GRM7: variants seen among roughly 807,000 people sequenced by gnomAD.
GRM7 encodes the protein metabotropic glutamate receptor 7.
Under a neutral mutation model 84.5 loss-of-function variants are expected in GRM7, and 35 were observed. That is an observed-to-expected ratio of 0.41 (90% CI 0.32 to 0.55). The LOEUF (loss-of-function observed/expected upper bound fraction) is 0.55, where lower values mean the gene tolerates loss of function less well. GRM7 is among the 20% of genes least tolerant of loss of function. The probability of loss-of-function intolerance (pLI) is 0.19; values close to 1 mark genes in which losing one functional copy is unlikely to be tolerated. For synonymous variants in GRM7, 487 were observed against 455.1 expected (o/e 1.07, Z -0.89); for missense variants, 1,003 against 1,194.6 (o/e 0.84, Z 2.36).
chr3:7,300,586 T>G (rs17697014), intron 3 of GRM7, among the ~76,000 whole-genome samples: 55,289 of 151,736 alleles, frequency 0.36, 10,951 homozygotes, highest in Middle Eastern at 0.48. Context: ...TATTCCAAAT[T>G]CCCTCATGAT....
At position 7,407,479 on chromosome 3, in the gene GRM7, T is replaced by C. The variant is rs183436188; in HGVS notation, c.1034-7544T>C. Among the ~76,000 whole-genome samples, 98 of 152,284 alleles carry C rather than the reference T, an allele frequency of 6.4e-4. 1 individual carries two copies. Among genetic ancestry groups the C allele is most frequent in the Non-Finnish European group, 1.6e-4 (11 of 68,016 alleles). Reference sequence around the variant, plus strand: ...TACTTTACAGTGCCTCGAACTGATATTAAAACTGCTTACCTTAACAAAAGG... The same window carrying C: ...TACTTTACAGTGCCTCGAACTGATACTAAAACTGCTTACCTTAACAAAAGG... On this transcript the variant is annotated intron_variant, in intron 4 of 9. Coordinates refer to ENST00000357716, the MANE Select transcript of GRM7 (RefSeq NM_000844.4).
chr3:7,331,675 A>G (rs10510360), intron 4 of GRM7, among the ~76,000 whole-genome samples: 6,057 of 152,224 alleles, frequency 0.04, 257 homozygotes, highest in African/African-American at 0.11. Flanking sequence ...GGGAAAACCT[A>G]TATCATAGCA....
At chr3:7,467,092 C>T (rs1046836718) in intron 7 of GRM7, among the ~76,000 whole-genome samples, 3 of 152,108 alleles carry the variant, frequency 2.0e-5, no homozygotes, top group South Asian at 2.1e-4. Context: ...ACACAAGTTT[C>T]TCTTTCTTGT....
Position 7,494,207 on chromosome 3 carries a change from C to T in GRM7, c.1515+32485C>T, listed in dbSNP as rs76073443. Among the ~76,000 whole-genome samples, 19 of 152,200 alleles carry T rather than the reference C, an allele frequency of 1.2e-4. No individual in the cohort carries two copies. In the East Asian group the frequency reaches 2.5e-3, roughly 20 times the overall value. On this transcript the variant is annotated intron_variant, in intron 7 of 9. Coordinates refer to ENST00000357716, the MANE Select transcript of GRM7 (RefSeq NM_000844.4). The stretch of plus-strand genomic sequence containing the variant: ...TATTATTATTTGTCTTAGAAGGTTT[C>T]CATGTCTCCTTTATCCTTGAAGGGT...
intron 7 of GRM7, among the ~76,000 whole-genome samples, chr3:7,562,950 C>A (rs1436624323): frequency 6.6e-6 from 1 of 151,716 alleles, no homozygotes; most frequent in South Asian, 2.1e-4. Flanking sequence ...AAAACAGTTT[C>A]TATCCTTTAG....
intron 8 of GRM7, among the ~76,000 whole-genome samples, chr3:7,677,000 G>A (rs894591765): frequency 4.6e-5 from 7 of 152,044 alleles, no homozygotes; most frequent in East Asian, 2.0e-4. Context: ...GGTGGCTCAC[G>A]CCTGTAATCC....
At chr3:7,499,958 TG>T (rs1473117056) in intron 7 of GRM7, among the ~76,000 whole-genome samples, 3 of 152,146 alleles carry the variant, frequency 2.0e-5, no homozygotes, top group African/African-American at 7.2e-5. Flanking sequence ...GTATTTTTAG[TG>T]GAGACGGGGT....
At chr3:7,393,766 C>G (rs1325533997) in intron 4 of GRM7, among the ~76,000 whole-genome samples, 1 of 152,116 alleles carries the variant, frequency 6.6e-6, no homozygotes, top group African/African-American at 2.4e-5. Context: ...TCTTATCACA[C>G]TAGTAGCTTT....
At chr3:7,434,336 G>A (rs1302024667) in intron 5 of GRM7, among the ~76,000 whole-genome samples, 1 of 152,160 alleles carries the variant, frequency 6.6e-6, no homozygotes, top group Non-Finnish European at 1.5e-5. Context: ...ATATTGAGTA[G>A]AAGTAATAAT....
At chr3:7,086,888 G>A (rs1698476179) in intron 1 of GRM7, among the ~76,000 whole-genome samples, 1 of 152,208 alleles carries the variant, frequency 6.6e-6, no homozygotes, top group Admixed American at 6.5e-5. Context: ...GTTGGCTATA[G>A]TCAAATGGAG....
intron 1 of GRM7, among the ~76,000 whole-genome samples, chr3:7,051,451 C>A (rs1696995628): frequency 6.6e-6 from 1 of 151,762 alleles, no homozygotes; most frequent in Admixed American, 6.6e-5. Flanking sequence ...TCTATGAGAA[C>A]CATCACTTCT....
rs1700296565 is a variant in GRM7, at chr3:7,514,035, T to C, written c.1515+52313T>C. Among the ~76,000 whole-genome samples, 3 of 152,230 alleles carry C rather than the reference T, an allele frequency of 2.0e-5. No homozygotes were observed. The South Asian group carries it at 6.2e-4, about 31-fold the overall frequency. ...CCTTGAGTGACTTAATCTATTTCCT[T>C]AGCTGTAAGCTGGGGGCCATGATGG... On this transcript the variant is annotated intron_variant, in intron 7 of 9. Coordinates refer to ENST00000357716, the MANE Select transcript of GRM7 (RefSeq NM_000844.4).
intron 9 of GRM7, among the ~76,000 whole-genome samples, chr3:7,685,581 T>C (rs1700548783): frequency 6.6e-6 from 1 of 152,126 alleles, no homozygotes; most frequent in Non-Finnish European, 1.5e-5. Flanking sequence ...AATTAACACA[T>C]TGTATGATGA....
At chr3:7,554,915 C>G (rs921013940) in intron 7 of GRM7, among the ~76,000 whole-genome samples, 1 of 152,214 alleles carries the variant, frequency 6.6e-6, no homozygotes, top group African/African-American at 2.4e-5. Flanking sequence ...TCCCAAGTTG[C>G]CTCCTGCCCC....
At chr3:6,893,475 A>G (rs1309347909) in intron 1 of GRM7, among the ~76,000 whole-genome samples, 2 of 152,156 alleles carry the variant, frequency 1.3e-5, no homozygotes, top group African/African-American at 4.8e-5. Flanking sequence ...TATTTGACCT[A>G]ATTGAGGCAA....
At chr3:7,100,601 TC>T (rs1398961401) in intron 1 of GRM7, among the ~76,000 whole-genome samples, 1 of 151,816 alleles carries the variant, frequency 6.6e-6, no homozygotes, top group Non-Finnish European at 1.5e-5. Context: ...AAATTTCAGT[TC>T]TGTCATTTAT....
intron 2 of GRM7, among the ~76,000 whole-genome samples, chr3:7,276,207 A>ATGTGTG (rs923161861): frequency 1.3e-4 from 13 of 96,666 alleles, no homozygotes; most frequent in Non-Finnish European, 2.5e-4. Context: ...ATATATATAT[A>ATGTGTG]TGTGTGTGTG....
intron 1 of GRM7, among the ~76,000 whole-genome samples, chr3:6,882,544 T>TC (rs1266526383): frequency 1.5e-3 from 226 of 151,226 alleles, no homozygotes; most frequent in Admixed American, 3.9e-3. Context: ...AGACCTTGTT[T>TC]CCCAAAAAAA....
In GRM7 at chr3:6,986,299, T is replaced by C. The variant is rs1694408701; in HGVS notation, c.519+124392T>C. Reference sequence around the variant, plus strand: ...ATGTTTACCACCTTTATTATGGTGATGGTATAACAGGTACATGCATATGTC... The same window carrying C: ...ATGTTTACCACCTTTATTATGGTGACGGTATAACAGGTACATGCATATGTC... On this transcript the variant is annotated intron_variant, in intron 1 of 9. Coordinates refer to ENST00000357716, the MANE Select transcript of GRM7 (RefSeq NM_000844.4). Among the ~76,000 whole-genome samples, 7 of 152,224 alleles carry C rather than the reference T, an allele frequency of 4.6e-5. No individual in the cohort carries two copies. The South Asian group carries it at 1.4e-3, about 32-fold the overall frequency.
Sources: gnomAD v4.1 joint callset for allele counts (sites outside exome capture counted in the v4.1 genomes callset) on GRCh38, gnomAD v4.1.1 for gene constraint, MANE v1.5 for transcripts, NCBI Gene and HGNC (gene_info 2026-07-23, HGNC 2026-07-21) for gene names.